The following LINGO2 variants were observed in gnomAD, a reference collection of about 807,000 sequenced individuals.
The protein encoded by LINGO2 is leucine rich repeat and Ig domain containing 2.
A neutral mutation model predicts 30.6 loss-of-function variants in LINGO2; 14 were observed. That is an observed-to-expected ratio of 0.46 (90% CI 0.30 to 0.72). The LOEUF (loss-of-function observed/expected upper bound fraction) is 0.72. LINGO2 is among the 30% of genes least tolerant of loss of function. LINGO2 has a pLI of 0.07. For synonymous variants in LINGO2, 317 were observed against 288.5 expected (o/e 1.10, Z -1.00); for missense variants, 729 against 751.7 (o/e 0.97, Z 0.35).
the LINGO2 span, among the ~76,000 whole-genome samples, chr9:29,118,183 GAC>G: frequency 5.9e-5 from 9 of 152,284 alleles, 1 homozygote; most frequent in East Asian, 9.7e-4. Flanking sequence ...CAAAGAGGTT[GAC>G]TTACCCTGTG....
chr9:28,211,212 C>A (rs1820578812), intron 4 of LINGO2, among the ~76,000 whole-genome samples: 1 of 151,350 alleles, frequency 6.6e-6, no homozygotes, highest in South Asian at 2.1e-4. Flanking sequence ...TTACCGTAGC[C>A]CATCAGGGTC....
chr9:28,394,638 A>C (rs1821970132), intron 2 of LINGO2, among the ~76,000 whole-genome samples: 1 of 152,172 alleles, frequency 6.6e-6, no homozygotes, highest in Non-Finnish European at 1.5e-5. Context: ...TTGTTTTCTA[A>C]ATCCATCAGA....
chr9:28,461,429 A>T (rs779693773), intron 2 of LINGO2, among the ~76,000 whole-genome samples: 1 of 152,206 alleles, frequency 6.6e-6, no homozygotes, highest in Non-Finnish European at 1.5e-5. Flanking sequence ...CATCAAAAAT[A>T]GCAACACATT....
chr9:28,989,680 T>A, the LINGO2 span, among the ~76,000 whole-genome samples: 1 of 152,184 alleles, frequency 6.6e-6, no homozygotes, highest in African/African-American at 2.4e-5. Flanking sequence ...AATATATTTA[T>A]TATTACAAAG....
At chr9:29,150,880 T>A in the LINGO2 span, among the ~76,000 whole-genome samples, 1 of 152,098 alleles carries the variant, frequency 6.6e-6, no homozygotes, top group African/African-American at 2.4e-5. Flanking sequence ...GAGGTTGACA[T>A]GCACATTCAG....
chr9:28,691,274 A>G, the LINGO2 span, among the ~76,000 whole-genome samples: 1 of 152,300 alleles, frequency 6.6e-6, no homozygotes, highest in South Asian at 2.1e-4. Context: ...TCAAATTCTT[A>G]ACATCCTCAA....
chr9:29,007,476 G>A, the LINGO2 span, among the ~76,000 whole-genome samples: 18 of 152,166 alleles, frequency 1.2e-4, no homozygotes, highest in African/African-American at 3.9e-4. Context: ...AGCAGATGTT[G>A]GCAGTGCACC....
chr9:28,912,577 A>G, the LINGO2 span, among the ~76,000 whole-genome samples: 112,738 of 152,008 alleles, frequency 0.74, 41,957 homozygotes, highest in Non-Finnish European at 0.78. Context: ...ACATCCACTA[A>G]CTGGACAAGT....
chr9:28,029,614 AT>A (rs2119441976), intron 4 of LINGO2, among the ~76,000 whole-genome samples: 1 of 152,334 alleles, frequency 6.6e-6, no homozygotes, highest in African/African-American at 2.4e-5. Flanking sequence ...GATGTCGGAT[AT>A]AAAAAGTGAC....
chr9:28,249,992 C>T (rs183341775), intron 4 of LINGO2, among the ~76,000 whole-genome samples: 2 of 152,190 alleles, frequency 1.3e-5, no homozygotes, highest in East Asian at 3.9e-4. Flanking sequence ...CAATTATTAT[C>T]CTTCACTCTG....
the LINGO2 span, among the ~76,000 whole-genome samples, chr9:29,213,332 C>T: frequency 6.6e-6 from 1 of 152,168 alleles, no homozygotes; most frequent in Non-Finnish European, 1.5e-5. Context: ...TTTCTACTCC[C>T]TGCCCGAATT....
the LINGO2 span, among the ~76,000 whole-genome samples, chr9:29,129,152 G>A: frequency 2.6e-5 from 4 of 152,006 alleles, no homozygotes; most frequent in Non-Finnish European, 5.9e-5. Flanking sequence ...ATTTAATGTT[G>A]TTAGCTGAGT....
the LINGO2 span, among the ~76,000 whole-genome samples, chr9:29,002,740 A>G: frequency 1.3e-5 from 2 of 151,972 alleles, no homozygotes; most frequent in Non-Finnish European, 2.9e-5. Context: ...GCTCAGGTAC[A>G]TTCTCTAAAG....
intron 1 of LINGO2, among the ~76,000 whole-genome samples, chr9:28,637,202 C>T (rs1158058400): frequency 6.6e-6 from 1 of 152,088 alleles, no homozygotes; most frequent in East Asian, 1.9e-4. Flanking sequence ...GGTACCAGTA[C>T]CATCCTGTTT....
chr9:28,710,507 C>T, the LINGO2 span, among the ~76,000 whole-genome samples: 21,119 of 151,896 alleles, frequency 0.14, 1,674 homozygotes, highest in East Asian at 0.31. Context: ...GACTAAACCA[C>T]GAGATTTTTT....
chr9:28,640,047 C>G (rs1308470344), intron 1 of LINGO2, among the ~76,000 whole-genome samples: 1 of 152,088 alleles, frequency 6.6e-6, no homozygotes, highest in Non-Finnish European at 1.5e-5. Flanking sequence ...ATTTGCTTGT[C>G]TGTAAAGGAT....
At chr9:28,064,750 C>T (rs1349095462) in intron 4 of LINGO2, among the ~76,000 whole-genome samples, 1 of 152,088 alleles carries the variant, frequency 6.6e-6, no homozygotes, top group Non-Finnish European at 1.5e-5. Context: ...GGCTCACTTC[C>T]TAATTAACCC....
At chr9:28,369,133 C>T (rs1820800395) in intron 3 of LINGO2, among the ~76,000 whole-genome samples, 1 of 152,118 alleles carries the variant, frequency 6.6e-6, no homozygotes, top group African/African-American at 2.4e-5. Context: ...TAATATCTCT[C>T]ATTTCTGGGC....
the LINGO2 span, among the ~76,000 whole-genome samples, chr9:29,158,523 C>T: frequency 2.8e-3 from 266 of 96,620 alleles, 1 homozygote; most frequent in African/African-American, 0.012. Flanking sequence ...AAATAATATG[C>T]TCTCAAGTCA....
Sources: gnomAD v4.1 joint callset for allele counts (sites outside exome capture counted in the v4.1 genomes callset) on GRCh38, gnomAD v4.1.1 for gene constraint, MANE v1.5 for transcripts, NCBI Gene and HGNC (gene_info 2026-07-23, HGNC 2026-07-21) for gene names.